The following DGKD variants were observed in gnomAD, a reference collection of about 807,000 sequenced individuals.
DGKD encodes the protein diacylglycerol kinase delta.
Under a neutral mutation model 154.4 loss-of-function variants are expected in DGKD, and 68 were observed. The ratio of observed to expected loss-of-function variants is 0.44; its 90% confidence interval spans 0.36 to 0.54. The LOEUF is 0.54. Among genes scored for constraint, DGKD ranks in the 20% least tolerant of loss-of-function variants. DGKD has a pLI of 0.00. For missense variants in DGKD, 1,343 were observed against 1,593.6 expected, an observed-to-expected ratio of 0.84 and a Z score of 2.68; for synonymous variants, 693 against 638.0, an observed-to-expected ratio of 1.09 and a Z score of -1.30.
intron 3 of DGKD, among the ~76,000 whole-genome samples, chr2:233,432,305 C>A (rs1431182185): frequency 1.1e-5 from 1 of 94,304 alleles, no homozygotes; most frequent in Admixed American, 1.1e-4. Context: ...GTGGGCGGAT[C>A]ATGAGGTCAG....
At chr2:233,424,889 C>T (rs1414870533) in intron 3 of DGKD, among the ~76,000 whole-genome samples, 1 of 152,156 alleles carries the variant, frequency 6.6e-6, no homozygotes, top group Non-Finnish European at 1.5e-5. Context: ...AGCCAGAGTC[C>T]ACCCTCTTTT....
chr2:233,446,829 C>T (rs1233016210), intron 12 of DGKD, 33 bp downstream of exon 12: 1 of 1,610,942 alleles, frequency 6.2e-7, no homozygotes, highest in Admixed American at 1.7e-5. Flanking sequence ...ACCCTGCTCG[C>T]ATGCTGATGT....
chr2:233,366,400 G>A (rs1056428029), intron 1 of DGKD, among the ~76,000 whole-genome samples: 1 of 152,144 alleles, frequency 6.6e-6, no homozygotes, highest in Non-Finnish European at 1.5e-5. Flanking sequence ...CTGAGGAGGT[G>A]ACATTGTGAG....
intron 1 of DGKD, among the ~76,000 whole-genome samples, chr2:233,378,896 A>G (rs1702734130): frequency 6.6e-6 from 1 of 152,194 alleles, no homozygotes; most frequent in African/African-American, 2.4e-5. Flanking sequence ...ACAAAACAAA[A>G]CAAGCGCACC....
intron 1 of DGKD, among the ~76,000 whole-genome samples, chr2:233,382,902 A>G (rs1702972574): frequency 6.6e-6 from 1 of 152,342 alleles, no homozygotes; most frequent in Admixed American, 6.5e-5. Context: ...GGCATCCTCC[A>G]GGGTTAAGCA....
intron 24 of DGKD, among the ~76,000 whole-genome samples, chr2:233,460,734 CA>C (rs888677899): frequency 2.6e-5 from 4 of 152,000 alleles, no homozygotes; most frequent in Non-Finnish European, 4.4e-5. Flanking sequence ...ACTAAAAATA[CA>C]AAAAAATTTA....
At chr2:233,436,000 C>A in intron 6 of DGKD, 76 bp downstream of exon 6, 1 of 1,358,500 alleles carries the variant, frequency 7.4e-7, no homozygotes, top group Non-Finnish European at 1.0e-6. Flanking sequence ...AGCCTCCTCC[C>A]TGCCCTCCCT....
intron 3 of DGKD, among the ~76,000 whole-genome samples, chr2:233,418,937 T>A (rs2062030471): frequency 6.6e-6 from 1 of 152,150 alleles, no homozygotes; most frequent in South Asian, 2.1e-4. Flanking sequence ...AGAGCTTGTT[T>A]GTGTGGTGGT....
intron 1 of DGKD, among the ~76,000 whole-genome samples, chr2:233,385,565 C>T (rs556167839): frequency 2.0e-5 from 3 of 152,314 alleles, no homozygotes; most frequent in Admixed American, 1.3e-4. Context: ...CCCGGTGGCC[C>T]GGCATGGCCC....
chr2:233,462,922 T>C (rs2063696675), intron 26 of DGKD, among the ~76,000 whole-genome samples, 187 bp downstream of exon 26: 1 of 152,196 alleles, frequency 6.6e-6, no homozygotes, highest in South Asian at 2.1e-4. Flanking sequence ...CTCAGTCAGG[T>C]TGTCTCAAGC....
intron 1 of DGKD, chr2:233,385,885 A>C (rs1703144394): frequency 2.2e-6 from 1 of 448,530 alleles, no homozygotes; most frequent in Non-Finnish European, 4.6e-6. Flanking sequence ...TTTCCGCTGA[A>C]ACCCACCAGT....
At position 233,445,890 on chromosome 2, in the gene DGKD, T is replaced by C; in HGVS notation, c.1334+128T>C. 2 of 1,143,656 alleles carry C rather than the reference T, an allele frequency of 1.7e-6. No homozygotes were observed. The highest frequency in any genetic ancestry group is 3.2e-5 in the Admixed American group (1 of 31,516). The allele number at this position is 1,143,656 out of a possible 1,614,324, so 70.8% of individuals were successfully genotyped here. A position where few individuals can be genotyped will look rare whatever the true frequency, so the allele number is the denominator to read the frequency against. Reference sequence around the variant, plus strand: ...TGAAATTATTTGTAAAGATTTGACCTGAGTATATATTCGGATAGTCTTTGA... The same window carrying C: ...TGAAATTATTTGTAAAGATTTGACCCGAGTATATATTCGGATAGTCTTTGA... On this transcript the variant is annotated intron_variant, in intron 11 of 29. Transcript: ENST00000264057. This position sits in a 1 kb window ranked among gnomAD's most constrained non-coding sequence, Gnocchi z 5.5.
intron 12 of DGKD, 66 bp downstream of exon 12, chr2:233,446,862 G>GT: frequency 6.4e-7 from 1 of 1,573,664 alleles, no homozygotes; most frequent in South Asian, 1.1e-5. Flanking sequence ...CCTGTCAGCG[G>GT]TTTGCATCAC....
intron 3 of DGKD, among the ~76,000 whole-genome samples, chr2:233,397,751 A>G (rs1575041269): frequency 6.6e-6 from 1 of 151,766 alleles, no homozygotes; most frequent in African/African-American, 2.4e-5. Context: ...CTGGAAGGGG[A>G]GGGAGGTTTG....
Position 233,454,793 on chromosome 2 carries a change from C to T in DGKD, c.2295C>T (p.Asn765=), listed in dbSNP as rs1236913517. Residue 765 remains asparagine (N), a synonymous_variant, in exon 19 of 30, where the codon AAC becomes AAT. Transcript: ENST00000264057. The stretch of plus-strand genomic sequence containing the variant: ...ATTACACGGAGAAATGTGTCATGAA[C>T]AACTATTTTGGCATTGGCCTGGATG... ...LEYYTEKCVM[N]NYFGIGLDAK... 6.2e-7 allele frequency: 1 copy of T among 1,613,388 alleles called. No individual in the cohort carries two copies. Among genetic ancestry groups the T allele is most frequent in the Non-Finnish European group, 8.5e-7 (1 of 1,179,416 alleles).
chr2:233,357,515 A>G (rs956221329), intron 1 of DGKD, among the ~76,000 whole-genome samples: 2 of 144,264 alleles, frequency 1.4e-5, no homozygotes, highest in Non-Finnish European at 3.0e-5. Flanking sequence ...TAGAATGTGC[A>G]TTTCTTTTTC....
chr2:233,430,262 A>G (rs934805608), intron 3 of DGKD, among the ~76,000 whole-genome samples: 2 of 152,212 alleles, frequency 1.3e-5, no homozygotes, highest in African/African-American at 4.8e-5. Flanking sequence ...TAAAAACAGG[A>G]AAAGATGCTT....
chr2:233,456,848 A>G lies in DGKD; in HGVS notation c.2376-51A>G, dbSNP rs763584509. ...GCTTTCACAGAAATGACTCTGGTTA[A>G]CTATACGAAGAAAGCCCAGACCTAT... is the stretch of plus-strand genomic sequence containing the variant. On this transcript the variant is annotated intron_variant, in intron 19 of 29. Transcript: ENST00000264057. 7 of 1,408,116 alleles carry G rather than the reference A, an allele frequency of 5.0e-6. No individual in the cohort carries two copies. In the Admixed American group the frequency reaches 1.2e-4, roughly 24 times the overall value. The allele number at this position is 1,408,116 out of a possible 1,614,324, so 87.2% of individuals were successfully genotyped here. A position where few individuals can be genotyped will look rare whatever the true frequency, so the allele number is the denominator to read the frequency against.
At chr2:233,405,116 A>G (rs1392398185) in intron 3 of DGKD, among the ~76,000 whole-genome samples, 1 of 152,252 alleles carries the variant, frequency 6.6e-6, no homozygotes, top group Non-Finnish European at 1.5e-5. Context: ...GAGCCAAGTG[A>G]AAATTAAATT....
Sources: allele counts gnomAD v4.1 joint callset (sites outside exome capture counted in the v4.1 genomes callset), GRCh38; gene constraint gnomAD v4.1.1; non-coding constraint Gnocchi (gnomAD v3.1); transcripts MANE v1.5; gene names NCBI Gene and HGNC (gene_info 2026-07-23, HGNC 2026-07-21).